Variants in ADCY7 observed in about 807,000 individuals in gnomAD.
The protein encoded by ADCY7 is adenylate cyclase type 7.
ADCY7 carries 72 observed loss-of-function variants against 120.6 expected under a neutral mutation model. That is an observed-to-expected ratio of 0.60 (90% confidence interval 0.49 to 0.73). The LOEUF is 0.73. Among genes scored for constraint, ADCY7 ranks in the 30% least tolerant of loss-of-function variants. The pLI is 0.00. For synonymous variants in ADCY7, 661 were observed against 628.0 expected (o/e 1.05, Z -0.78); for missense variants, 1,227 against 1,486.0 (o/e 0.83, Z 2.87).
At chr16:50,303,879 C>T (rs548957263) in intron 10 of ADCY7, among the ~76,000 whole-genome samples, 11 of 152,248 alleles carry the variant, frequency 7.2e-5, no homozygotes, top group Non-Finnish European at 1.5e-4. Context: ...GGAGCGAATG[C>T]GTGCCGGCCA....
At chr16:50,291,554 G>C (rs1341103611) in intron 3 of ADCY7, among the ~76,000 whole-genome samples, 182 bp from the exon 4 acceptor site, 1 of 152,176 alleles carries the variant, frequency 6.6e-6, no homozygotes, top group Non-Finnish European at 1.5e-5. Context: ...CTTGTGGCCG[G>C]GCCCACCCTA....
chr16:50,282,090 T>C (rs2034308371), intron 1 of ADCY7, among the ~76,000 whole-genome samples: 1 of 152,060 alleles, frequency 6.6e-6, no homozygotes, highest in Non-Finnish European at 1.5e-5. Context: ...GGTCCCCACT[T>C]CCCCTTTTTG....
intron 1 of ADCY7, among the ~76,000 whole-genome samples, chr16:50,276,318 C>T (rs951489262): frequency 6.6e-6 from 1 of 152,218 alleles, no homozygotes; most frequent in African/African-American, 2.4e-5. Flanking sequence ...GCCTCCTCAC[C>T]CCCAGTGCTG....
chr16:50,247,110 G>A (rs1432906427), intron 1 of ADCY7, among the ~76,000 whole-genome samples: 1 of 152,252 alleles, frequency 6.6e-6, no homozygotes, highest in Admixed American at 6.5e-5. Context: ...TGAACTCCGG[G>A]TGAGGCTACA....
intron 14 of ADCY7, 142 bp downstream of exon 14, chr16:50,305,991 C>A: frequency 1.4e-6 from 1 of 716,180 alleles, no homozygotes; most frequent in Non-Finnish European, 2.4e-6. Flanking sequence ...TGCTCCTGGG[C>A]GGGGGGCAGG....
chr16:50,253,217 T>C (rs548806896), intron 1 of ADCY7, among the ~76,000 whole-genome samples: 1 of 152,356 alleles, frequency 6.6e-6, no homozygotes, highest in African/African-American at 2.4e-5. Context: ...GGACTGTTTC[T>C]TTAGGGTAAA....
chr16:50,263,509 C>G (rs1305095128), upstream of ADCY7, among the ~76,000 whole-genome samples: 1 of 152,150 alleles, frequency 6.6e-6, no homozygotes, highest in African/African-American at 2.4e-5. Context: ...CTGTGCCCCT[C>G]TCATTATCAA....
chr16:50,303,674 G>A (rs898561766), intron 10 of ADCY7, among the ~76,000 whole-genome samples: 3 of 152,168 alleles, frequency 2.0e-5, no homozygotes, highest in Non-Finnish European at 2.9e-5. Context: ...TCAGGGCCTG[G>A]CTGAACTACT....
chr16:50,266,496 C>T (rs2033218320), upstream of ADCY7: 5 of 164,930 alleles, frequency 3.0e-5, no homozygotes, highest in South Asian at 5.0e-4. Flanking sequence ...TTGCTGCCGC[C>T]GCCGCCGCTG....
Position 50,304,869 on chromosome 16 carries a change from C to CT in ADCY7, c.1561-54dup. ...GGGCTGAACCTGGCCCAGCAGTGGCCTTCAGGGCCCAGTGTTCTGGGGAAT... is the reference window on the plus strand; with the variant it reads ...GGGCTGAACCTGGCCCAGCAGTGGCCTTTCAGGGCCCAGTGTTCTGGGGAAT... On this transcript the variant is annotated intron_variant, in intron 11 of 25. Coordinates refer to ENST00000673801, the MANE Select transcript of ADCY7 (RefSeq NM_001114.5). 1.9e-6 allele frequency: 3 copies of CT among 1,612,024 alleles called. No individual in the cohort carries two copies. The South Asian group carries it at 3.3e-5, about 18-fold the overall frequency.
At chr16:50,308,938 C>A in intron 17 of ADCY7, 146 bp downstream of exon 17, 1 of 961,824 alleles carries the variant, frequency 1.0e-6, no homozygotes, top group Non-Finnish European at 1.4e-6. Context: ...CCTTTGTACA[C>A]TCAGGGCTCC....
At chr16:50,299,138 C>CG in intron 8 of ADCY7, 107 bp downstream of exon 8, 1 of 1,402,048 alleles carries the variant, frequency 7.1e-7, no homozygotes, top group South Asian at 1.5e-5. Flanking sequence ...AACTGAGGCT[C>CG]GGGGGGTTGG....
chr16:50,285,470 T>C (rs1034875113), intron 1 of ADCY7, among the ~76,000 whole-genome samples: 2 of 152,260 alleles, frequency 1.3e-5, no homozygotes, highest in African/African-American at 2.4e-5. Flanking sequence ...GGTTGGGGAC[T>C]TGGGGACCCT....
intron 1 of ADCY7, among the ~76,000 whole-genome samples, chr16:50,252,774 T>G (rs1471542670): frequency 2.0e-5 from 3 of 152,216 alleles, no homozygotes; most frequent in African/African-American, 7.2e-5. Context: ...TCGTTTCTTA[T>G]TTTTAAATGG....
At chr16:50,261,810 G>A (rs1032810694), upstream of ADCY7, among the ~76,000 whole-genome samples, 5 of 152,230 alleles carry the variant, frequency 3.3e-5, no homozygotes, top group African/African-American at 4.8e-5. Flanking sequence ...CTGCCAGGAC[G>A]ATAGGCGAGG....
rs1256578772 is a variant in ADCY7, at chr16:50,310,413, G to C, written c.2161-274G>C. 4 of 1,520,754 alleles carry C rather than the reference G, an allele frequency of 2.6e-6. No homozygotes were observed. In the Admixed American group the frequency reaches 5.9e-5, roughly 22 times the overall value. The allele number at this position is 1,520,754 out of a possible 1,614,324, so 94.2% of individuals were successfully genotyped here. A position where few individuals can be genotyped will look rare whatever the true frequency, so the allele number is the denominator to read the frequency against. ...AGGGAGGCAGCTTGGATGCATGCAC[G>C]CTCCGGCCTTGACCTTGACTGTGGT... On this transcript the variant is annotated intron_variant, in intron 18 of 25. Transcript: ENST00000673801.
chr16:50,313,828 G>A (rs1452820087), intron 22 of ADCY7, 130 bp from the exon 23 acceptor site: 5 of 698,630 alleles, frequency 7.2e-6, no homozygotes, highest in Non-Finnish European at 1.2e-5. Flanking sequence ...AGCTGGCAGG[G>A]CAGCCATGAG....
intron 1 of ADCY7, among the ~76,000 whole-genome samples, chr16:50,283,335 A>T (rs2034390728): frequency 6.6e-6 from 1 of 152,194 alleles, no homozygotes; most frequent in African/African-American, 2.4e-5. Flanking sequence ...GTCTTGTGCC[A>T]GTTCTCCATG....
intron 21 of ADCY7, 111 bp from the exon 22 acceptor site, chr16:50,312,779 C>T (rs1327193477): frequency 2.9e-6 from 3 of 1,033,960 alleles, no homozygotes; most frequent in South Asian, 1.5e-5. Flanking sequence ...TCCCCACTCC[C>T]CGAAAGCTGG....
Sources: allele counts gnomAD v4.1 joint callset (sites outside exome capture counted in the v4.1 genomes callset), GRCh38; gene constraint gnomAD v4.1.1; transcripts MANE v1.5; gene names NCBI Gene and HGNC (gene_info 2026-07-23, HGNC 2026-07-21).